Variants in INTS1 observed in about 807,000 individuals in gnomAD.
INTS1 encodes integrator complex subunit 1.
INTS1 carries 137 observed loss-of-function variants against 241.6 expected under a neutral mutation model. The observed-to-expected ratio is 0.57, with a 90% CI of 0.49 to 0.65. The LOEUF is 0.65. INTS1 is among the 30% of genes least tolerant of loss of function. INTS1 has a pLI of 0.00. For synonymous variants in INTS1, 1,692 were observed against 1,337.8 expected (o/e 1.26, Z -5.78); for missense variants, 3,073 against 3,032.2 (o/e 1.01, Z -0.32).
Position 1,489,695 on chromosome 7 carries a change from G to A in INTS1, c.2166-13C>T, listed in dbSNP as rs769598084. 5.3e-5 allele frequency: 79 copies of A among 1,501,748 alleles called. No individual in the cohort carries two copies. Among genetic ancestry groups the A allele is most frequent in the Non-Finnish European group, 6.9e-5 (77 of 1,119,926 alleles). 93.0% of individuals were successfully genotyped at this position (1,501,748 alleles called of 1,614,324 possible). ...CGGAGGCTGGTACCTGGAAGGCAGG[G>A]GCGCCCCGACTCAGGCCCAGCGCAC... On this transcript the variant is annotated splice_polypyrimidine_tract_variant and intron_variant, in intron 16 of 47. Transcript: ENST00000404767.
In INTS1 at chr7:1,473,190, G is replaced by A. The variant is rs752287625; in HGVS notation, c.5958-6C>T. ...TGTTGTCGAAGGACAGGTCGCTGGG[G>A]AGAGAAGATGCTTTCACCTGGGAGG... On this transcript the variant is annotated splice_polypyrimidine_tract_variant and splice_region_variant and intron_variant, in intron 42 of 47. Coordinates refer to ENST00000404767, the MANE Select transcript of INTS1 (RefSeq NM_001080453.3). 7 of 1,598,152 alleles carry A rather than the reference G, an allele frequency of 4.4e-6. No individual in the cohort carries two copies. The highest frequency in any genetic ancestry group is 1.7e-4 in the Middle Eastern group (1 of 6,038).
chr7:1,474,201 C>A lies in INTS1; in HGVS notation c.5796G>T (p.Trp1932Cys). 2.5e-6 allele frequency: 4 copies of A among 1,588,338 alleles called. No individual in the cohort carries two copies. The highest frequency in any genetic ancestry group is 3.4e-6 in the Non-Finnish European group (4 of 1,169,552). Residue 1932 changes from tryptophan to cysteine, a missense_variant, in exon 41 of 48, where the codon TGG (tryptophan) becomes TGT (cysteine). By Grantham distance (215) the Trp-to-Cys change is radical (BLOSUM62 -2). Transcript: ENST00000404767. ...GGCGGATGAAGGACAGAAGGCAGTC[C>A]CACAGCGCCCCCTGGTGCTCGCTGC... ...VFRSEHQGALWDCLLSFIRLL... is the reference protein window; with the variant it reads ...VFRSEHQGALCDCLLSFIRLL...
intron 33 of INTS1, 42 bp downstream of exon 33, chr7:1,478,324 C>T: frequency 6.2e-7 from 1 of 1,604,456 alleles, no homozygotes; most frequent in Non-Finnish European, 8.5e-7. Context: ...TTGGGTCTTC[C>T]CAGGGCCGCC....
At position 1,476,931 on chromosome 7, in the gene INTS1, G is replaced by T; in HGVS notation, c.4939-13C>A. On this transcript the variant is annotated splice_polypyrimidine_tract_variant and intron_variant, in intron 35 of 47. Transcript: ENST00000404767. ...CCTGACCTTTGCCCTGGGGAGGGAG[G>T]AAGAAGCCCGGATGGCCTCACCTGG... 6.2e-7 allele frequency: 1 copy of T among 1,605,842 alleles called. No individual in the cohort carries two copies. Among genetic ancestry groups the T allele is most frequent in the Non-Finnish European group, 8.5e-7 (1 of 1,178,134 alleles).
Position 1,473,661 on chromosome 7 carries a change from G to A in INTS1, c.5862C>T (p.Ala1954=), listed in dbSNP as rs370791938. ...TGAACTGCACAAACTTGTTGATGAA[G>A]GCAGCCAGATGGCGGGAGGACTTCC... ...NYRKSSRHLA[A]FINKFVQFIH... is the part of the protein sequence containing the mutation. Residue 1954 remains alanine, a synonymous_variant, in exon 42 of 48, where the codon GCC becomes GCT. Transcript: ENST00000404767. 5.0e-6 allele frequency: 8 copies of A among 1,613,414 alleles called. No individual in the cohort carries two copies. The highest frequency in any genetic ancestry group is 6.8e-6 in the Non-Finnish European group (8 of 1,179,808).
intron 44 of INTS1, 81 bp downstream of exon 44, chr7:1,472,192 C>T: frequency 9.1e-7 from 1 of 1,095,010 alleles, no homozygotes; most frequent in East Asian, 2.6e-5. Flanking sequence ...AGTCAGTGCC[C>T]AAATGGCTAC....
intron 47 of INTS1, 38 bp from the exon 48 acceptor site, chr7:1,470,730 A>C: frequency 6.7e-7 from 1 of 1,496,498 alleles, no homozygotes; most frequent in Non-Finnish European, 9.0e-7. Flanking sequence ...CACGCTGGCC[A>C]CAACATCCTG....
At chr7:1,471,438 C>A (rs1035031524) in intron 45 of INTS1, 133 bp downstream of exon 45, 6 of 1,090,450 alleles carry the variant, frequency 5.5e-6, no homozygotes, top group African/African-American at 3.1e-5. Context: ...TGGGCTGGGG[C>A]CCCCACCCGA....
chr7:1,492,720 C>G (rs1782623187), intron 16 of INTS1, among the ~76,000 whole-genome samples: 1 of 152,234 alleles, frequency 6.6e-6, no homozygotes, highest in Non-Finnish European at 1.5e-5. Context: ...ACAGCCCACT[C>G]AAACCCAGGT....
chr7:1,495,411 C>T (rs1782796571), intron 13 of INTS1, 22 bp downstream of exon 13: 2 of 1,599,458 alleles, frequency 1.3e-6, no homozygotes, highest in East Asian at 2.2e-5. Flanking sequence ...GGGACAGGGG[C>T]TGTACAGGGC....
At chr7:1,486,349 C>T (rs187428381) in intron 22 of INTS1, among the ~76,000 whole-genome samples, 24 of 152,030 alleles carry the variant, frequency 1.6e-4, no homozygotes, top group Admixed American at 3.3e-4. Flanking sequence ...CCTCAACCTC[C>T]GCCTCCTAGG....
rs1782428787 is a variant in INTS1, at chr7:1,489,225, G to A, written c.2318+119C>T. ...AGAAGCTCAGGTCCATGAGTCAACA[G>A]AAGATGCTAAGATGCTGATGCAGCA... On this transcript the variant is annotated intron_variant, in intron 18 of 47. Transcript: ENST00000404767. The A allele has an allele frequency of 2.7e-5, 4 of 148,196 alleles. No homozygotes were observed. In the African/African-American group the frequency reaches 5.4e-4, roughly 20 times the overall value. The allele number at this position is 148,196 out of a possible 1,614,324, so 9.2% of individuals were successfully genotyped here.
intron 40 of INTS1, 81 bp downstream of exon 40, chr7:1,474,624 C>T: frequency 3.4e-6 from 5 of 1,467,172 alleles, no homozygotes; most frequent in African/African-American, 1.4e-5. Context: ...TGGAGTTTTG[C>T]TCTTGTTGCC....
At position 1,486,976 on chromosome 7, in the gene INTS1, G is replaced by C. The variant is rs770236466; in HGVS notation, c.2772C>G (p.Ser924=). 6.8e-6 allele frequency: 11 copies of C among 1,608,012 alleles called. No homozygotes were observed. The African/African-American group carries it at 1.5e-4, about 21-fold the overall frequency. Residue 924 remains serine, a synonymous_variant, in exon 21 of 48, where the codon TCC becomes TCG. Transcript: ENST00000404767. ...LLHDAVDDAA[S]GEEDDEGESK... is the part of the protein sequence containing the mutation. ...TCTCGCCCTCGTCGTCCTCCTCCCC[G>C]GAAGCAGCATCGTCCACAGCATCGT...
At chr7:1,495,669 C>T in intron 12 of INTS1, 116 bp from the exon 13 acceptor site, 1 of 1,350,498 alleles carries the variant, frequency 7.4e-7, no homozygotes, top group East Asian at 2.5e-5. Flanking sequence ...CAGGGCACCC[C>T]CAGCTTCTGG....
chr7:1,482,963 G>A (rs574327129), intron 26 of INTS1: 16 of 514,640 alleles, frequency 3.1e-5, no homozygotes, highest in Non-Finnish European at 4.2e-5. Context: ...GGACATGTGC[G>A]TGTCCCCATC....
At chr7:1,500,808 C>T (rs1783139211) in intron 3 of INTS1, 1 of 164,086 alleles carries the variant, frequency 6.1e-6, no homozygotes, top group African/African-American at 2.4e-5. Flanking sequence ...TCCCTCTTTC[C>T]ATGGGTGCTC....
chr7:1,503,154 T>G lies in INTS1; in HGVS notation c.96A>C (p.Ser32=). ...PPPGDFIALG[S]KGQANESKTA... is the part of the protein sequence containing the mutation. ...TTTTCGATTCATTGGCCTGACCCTT[T>G]GAGCCCAGAGCAATGAAGTCTCCTG... Residue 32 remains serine (S), a synonymous_variant, in exon 3 of 48, where the codon TCA becomes TCC. Transcript: ENST00000404767. The G allele has an allele frequency of 6.4e-7, 1 of 1,572,426 alleles. No homozygotes were observed. The highest frequency in any genetic ancestry group is 1.4e-5 in the African/African-American group (1 of 73,878).
intron 16 of INTS1, among the ~76,000 whole-genome samples, chr7:1,490,439 C>A (rs1161967861): frequency 6.6e-6 from 1 of 152,218 alleles, no homozygotes; most frequent in Non-Finnish European, 1.5e-5. Context: ...AGGGTGTTGG[C>A]TCCGGATAAA....
Sources: gnomAD v4.1 joint callset for allele counts (sites outside exome capture counted in the v4.1 genomes callset) on GRCh38, gnomAD v4.1.1 for gene constraint, MANE v1.5 for transcripts, NCBI Gene and HGNC (gene_info 2026-07-23, HGNC 2026-07-21) for gene names.